Variants in SMARCAD1 observed in about 807,000 individuals in gnomAD.
The protein encoded by SMARCAD1 is SWI/SNF-related matrix-associated actin-dependent regulator of chromatin subfamily A containing DEAD/H box 1.
In SMARCAD1, 25 loss-of-function variants were observed where a neutral mutation model predicts 127.1. The observed-to-expected ratio is 0.20, with a 90% CI of 0.14 to 0.27. The LOEUF is 0.27. Among genes scored for constraint, SMARCAD1 ranks in the 10% least tolerant of loss-of-function variants. The pLI is 1.00. For missense variants in SMARCAD1, 807 were observed against 1,206.0 expected, an observed-to-expected ratio of 0.67 and a Z score of 4.90; for synonymous variants, 400 against 396.9, an observed-to-expected ratio of 1.01 and a Z score of -0.09.
intron 1 of SMARCAD1, 63 bp downstream of exon 1, chr4:94,208,133 C>T (rs1741524630): frequency 5.0e-6 from 3 of 598,912 alleles, no homozygotes; most frequent in African/African-American, 1.8e-5. Context: ...GCGGGGGAGG[C>T]GGACGAAGGG....
chr4:94,217,772 G>T (rs1743428377), intron 2 of SMARCAD1, among the ~76,000 whole-genome samples: 1 of 152,100 alleles, frequency 6.6e-6, no homozygotes, highest in Non-Finnish European at 1.5e-5. Context: ...TTTCAAACTG[G>T]ATCATAAACA....
At chr4:94,287,466 T>C (rs913107704) in intron 23 of SMARCAD1, among the ~76,000 whole-genome samples, 3 of 152,232 alleles carry the variant, frequency 2.0e-5, no homozygotes, top group Non-Finnish European at 2.9e-5. Context: ...CCATGATTCC[T>C]CTCAAATATG....
intron 3 of SMARCAD1, among the ~76,000 whole-genome samples, chr4:94,226,615 T>A (rs1745062811): frequency 6.6e-6 from 1 of 151,772 alleles, no homozygotes; most frequent in African/African-American, 2.4e-5. Flanking sequence ...CGTGTATAAC[T>A]GCTTTATGAT....
intron 9 of SMARCAD1, among the ~76,000 whole-genome samples, chr4:94,255,433 TTG>T (rs1749921022): frequency 6.6e-6 from 1 of 152,020 alleles, no homozygotes; most frequent in Non-Finnish European, 1.5e-5. Flanking sequence ...TAGTATTTCA[TTG>T]TCTTATTATA....
chr4:94,257,807 A>G (rs1750341547), intron 9 of SMARCAD1, among the ~76,000 whole-genome samples: 1 of 152,092 alleles, frequency 6.6e-6, no homozygotes, highest in Non-Finnish European at 1.5e-5. Context: ...TATAGTTATA[A>G]TGCACTTTTT....
chr4:94,290,485 A>G lies in SMARCAD1; in HGVS notation c.*951A>G, dbSNP rs1415105563. The G allele has an allele frequency of 2.2e-6, 1 of 454,522 alleles. No homozygotes were observed. The highest frequency in any genetic ancestry group is 2.3e-5 in the Admixed American group (1 of 42,574). 28.2% of individuals were successfully genotyped at this position (454,522 alleles called of 1,614,324 possible). ...TTCAAAGCAGACTGAATGTGACTTCATCTAAAGGCAGCATTAGGTACTGCA... is the reference window on the plus strand; with the variant it reads ...TTCAAAGCAGACTGAATGTGACTTCGTCTAAAGGCAGCATTAGGTACTGCA... On this transcript the variant is annotated 3_prime_UTR_variant, in exon 24 of 24. Transcript: ENST00000354268.
intron 2 of SMARCAD1, among the ~76,000 whole-genome samples, chr4:94,220,733 C>A (rs1743987751): frequency 6.6e-6 from 1 of 152,162 alleles, no homozygotes; most frequent in South Asian, 2.1e-4. Context: ...GCCTTAGCAC[C>A]ACGGATCAAG....
At chr4:94,223,611 C>T (rs1474247401) in intron 2 of SMARCAD1, among the ~76,000 whole-genome samples, 1 of 151,214 alleles carries the variant, frequency 6.6e-6, no homozygotes, top group East Asian at 1.9e-4. Context: ...TTTTGTTGCC[C>T]AGGCTGGAGT....
chr4:94,270,927 C>A, intron 11 of SMARCAD1, 109 bp downstream of exon 11: 1 of 834,968 alleles, frequency 1.2e-6, no homozygotes, highest in East Asian at 2.6e-5. Flanking sequence ...TAACTACTGC[C>A]ACCTCAGTAC....
intron 11 of SMARCAD1, 129 bp from the exon 12 acceptor site, chr4:94,273,488 C>G: frequency 1.5e-6 from 1 of 677,568 alleles, no homozygotes; most frequent in Non-Finnish European, 2.6e-6. Context: ...AGTAGAAATT[C>G]CTTTAGAGTT....
At chr4:94,211,010 C>T (rs1259256006) in intron 2 of SMARCAD1, among the ~76,000 whole-genome samples, 1 of 148,500 alleles carries the variant, frequency 6.7e-6, no homozygotes, top group East Asian at 2.0e-4. Flanking sequence ...CAGTGGATCA[C>T]CCCTGTAATC....
chr4:94,279,239 T>TA, intron 19 of SMARCAD1, among the ~76,000 whole-genome samples, 189 bp downstream of exon 19: 1 of 152,210 alleles, frequency 6.6e-6, no homozygotes, highest in African/African-American at 2.4e-5. Flanking sequence ...TTCTGCCTCC[T>TA]AGGCTTAAGC....
At chr4:94,216,439 C>T (rs1013325699) in intron 2 of SMARCAD1, among the ~76,000 whole-genome samples, 1 of 152,116 alleles carries the variant, frequency 6.6e-6, no homozygotes, top group Admixed American at 6.6e-5. Context: ...TCTAGTATGT[C>T]TGTTAATTTT....
intron 10 of SMARCAD1, among the ~76,000 whole-genome samples, chr4:94,267,559 C>T (rs932223834): frequency 6.6e-6 from 1 of 152,092 alleles, no homozygotes; most frequent in Non-Finnish European, 1.5e-5. Flanking sequence ...GTTTCTCTGG[C>T]AGATTTAAAC....
chr4:94,207,962 A>C lies in SMARCAD1; in HGVS notation c.-158A>C, dbSNP rs1741463403. 1 of 361,056 alleles carries C rather than the reference A, an allele frequency of 2.8e-6. No homozygotes were observed. The highest frequency in any genetic ancestry group is 5.4e-6 in the Non-Finnish European group (1 of 183,956). The allele number at this position is 361,056 out of a possible 1,614,324, so 22.4% of individuals were successfully genotyped here. ...GCAGTGTCGAGGCGCGGGCCCTGGC[A>C]GGTCCTTTCTCGAGGCAGGGGGCAC... is the stretch of plus-strand genomic sequence containing the variant. On this transcript the variant is annotated 5_prime_UTR_variant, in exon 1 of 24. Transcript: ENST00000354268.
chr4:94,237,327 T>A (rs897864955), intron 5 of SMARCAD1, among the ~76,000 whole-genome samples: 9 of 152,190 alleles, frequency 5.9e-5, no homozygotes, highest in Non-Finnish European at 1.0e-4. Context: ...AGTAGGAACA[T>A]AATGTCTTAG....
At chr4:94,264,318 A>G (rs75885551) in intron 9 of SMARCAD1, among the ~76,000 whole-genome samples, 1,608 of 152,046 alleles carry the variant, frequency 0.011, 25 homozygotes, top group African/African-American at 0.036. Context: ...ATTTGATACT[A>G]TTACCTTTGG....
chr4:94,213,205 G>A (rs1307844900), intron 2 of SMARCAD1: 4 of 740,674 alleles, frequency 5.4e-6, no homozygotes, highest in Non-Finnish European at 7.7e-6. Flanking sequence ...ATATAATAGG[G>A]CAAAATACTA....
At chr4:94,236,352 G>A (rs577961323) in intron 4 of SMARCAD1, among the ~76,000 whole-genome samples, 1 of 152,184 alleles carries the variant, frequency 6.6e-6, no homozygotes, top group South Asian at 2.1e-4. Flanking sequence ...TATAAAAACA[G>A]TATATTAGAA....
Sources: allele counts gnomAD v4.1 joint callset (sites outside exome capture counted in the v4.1 genomes callset), GRCh38; gene constraint gnomAD v4.1.1; transcripts MANE v1.5; gene names NCBI Gene and HGNC (gene_info 2026-07-23, HGNC 2026-07-21).